The following NAGPA variants were observed in gnomAD, a reference collection of about 807,000 sequenced individuals.
The protein encoded by NAGPA is N-acetylglucosamine-1-phosphodiester alpha-N-acetylglucosaminidase.
In NAGPA, 56 loss-of-function variants were observed where a neutral mutation model predicts 48.5. The observed-to-expected ratio is 1.15, with a 90% CI of 0.93 to 1.44. NAGPA has a LOEUF of 1.44. Ranked by LOEUF, NAGPA falls within the 40% of genes most tolerant of loss-of-function variation. The pLI is 0.00. For missense variants in NAGPA, 888 were observed against 735.0 expected (o/e 1.21, Z -2.41); for synonymous variants, 399 against 315.5 (o/e 1.26, Z -2.81).
intron 4 of NAGPA, chr16:5,030,177 G>C (rs530044847): frequency 1.6e-6 from 1 of 617,014 alleles, no homozygotes; most frequent in South Asian, 1.9e-5. Flanking sequence ...GAAAGGTGAG[G>C]CCTAAAGCTG....
chr16:5,031,385 A>AGGGTGTGG (rs1228824782), intron 3 of NAGPA: 12 of 336,202 alleles, frequency 3.6e-5, no homozygotes, highest in Middle Eastern at 1.0e-3. Context: ...TGCAGGTCTG[A>AGGGTGTGG]GGGTGTGGGG....
rs1446607459 is a variant in NAGPA at position 5,024,998 on chromosome 16, C to T, written c.*480G>A. On this transcript the variant is annotated 3_prime_UTR_variant, in exon 10 of 10. Coordinates refer to ENST00000312251, the MANE Select transcript of NAGPA (RefSeq NM_016256.4). ...CAAGGAGCTTCCTATGACAGGAAATCGAATTCTAGTTGGCAAATCCAGTGA... is the reference window on the plus strand; with the variant it reads ...CAAGGAGCTTCCTATGACAGGAAATTGAATTCTAGTTGGCAAATCCAGTGA... 4 of 166,674 alleles carry T rather than the reference C, an allele frequency of 2.4e-5. No individual in the cohort carries two copies. Among genetic ancestry groups the T allele is most frequent in the Admixed American group, 1.1e-4 (2 of 17,828 alleles). The allele number at this position is 166,674 out of a possible 1,614,324, so 10.3% of individuals were successfully genotyped here. A position where few individuals can be genotyped will look rare whatever the true frequency, so the allele number is the denominator to read the frequency against.
Position 5,033,599 on chromosome 16 carries a change from G to A in NAGPA, c.216C>T (p.Gly72=). The A allele has an allele frequency of 6.7e-7, 1 of 1,491,560 alleles. No individual in the cohort carries two copies. 92.4% of individuals were successfully genotyped at this position (1,491,560 alleles called of 1,614,324 possible). The change falls in exon 2 of 10, where the codon GGC becomes GGT. Residue 72 remains glycine, a synonymous_variant. Transcript: ENST00000312251. This position sits in a 1 kb window ranked among gnomAD's most constrained non-coding sequence, Gnocchi z 4.2. ...ESWPPPPATP[G]AGGLAVRTFV... ...AGGTGCGCACGGCCAGACCGCCGGCGCCGGGAGTCGCGGGAGGCGGAGGCC... is the reference window on the plus strand; with the variant it reads ...AGGTGCGCACGGCCAGACCGCCGGCACCGGGAGTCGCGGGAGGCGGAGGCC...
At position 5,027,016 on chromosome 16, in the gene NAGPA, T is replaced by C; in HGVS notation, c.1340+119A>G. The C allele has an allele frequency of 7.7e-6, 10 of 1,290,842 alleles. No individual in the cohort carries two copies. The South Asian group carries it at 1.1e-4, about 15-fold the overall frequency. The allele number at this position is 1,290,842 out of a possible 1,614,324, so 80.0% of individuals were successfully genotyped here. A position where few individuals can be genotyped will look rare whatever the true frequency, so the allele number is the denominator to read the frequency against. On this transcript the variant is annotated intron_variant, in intron 9 of 9. Coordinates refer to ENST00000312251, the MANE Select transcript of NAGPA (RefSeq NM_016256.4). ...AGACAGTGGGGAGAGCTGGTCCCGC[T>C]TCCTCTAAGGCAGGGAGCTGGCAGG...
At chr16:5,028,489 C>T in intron 5 of NAGPA, 2 of 636,662 alleles carry the variant, frequency 3.1e-6, no homozygotes, top group South Asian at 3.1e-5. Context: ...CCCACCTCGG[C>T]CTCCCAAAGC....
rs751618720 is a variant in NAGPA at position 5,033,596 on chromosome 16, G to A, written c.219C>T (p.Ala73=). 2.0e-6 allele frequency: 3 copies of A among 1,488,058 alleles called. No homozygotes were observed. Among genetic ancestry groups the A allele is most frequent in the Admixed American group, 4.9e-5 (2 of 40,464 alleles). The allele number at this position is 1,488,058 out of a possible 1,614,324, so 92.2% of individuals were successfully genotyped here. ...SWPPPPATPG[A]GGLAVRTFVS... is the part of the protein sequence containing the mutation. ...CGAAGGTGCGCACGGCCAGACCGCCGGCGCCGGGAGTCGCGGGAGGCGGAG... is the reference window on the plus strand; with the variant it reads ...CGAAGGTGCGCACGGCCAGACCGCCAGCGCCGGGAGTCGCGGGAGGCGGAG... The change falls in exon 2 of 10, where the codon GCC becomes GCT. Residue 73 remains alanine (A), a synonymous_variant. Transcript: ENST00000312251. This position sits in a 1 kb window ranked among gnomAD's most constrained non-coding sequence, Gnocchi z 4.2.
At chr16:5,028,390 C>A (rs1956042213) in intron 5 of NAGPA, 2 of 987,140 alleles carry the variant, frequency 2.0e-6, no homozygotes, top group Non-Finnish European at 1.5e-6. Context: ...TGTGCACCAT[C>A]ACGCCTGCCT....
chr16:5,027,932 G>A (rs756755315), intron 6 of NAGPA, 39 bp from the exon 7 acceptor site: 3 of 1,613,066 alleles, frequency 1.9e-6, no homozygotes, highest in East Asian at 4.5e-5. Context: ...TGAGGGCCTA[G>A]GGCAAGGCAG....
In NAGPA at chr16:5,025,640, C is replaced by G; in HGVS notation, c.1386G>C (p.Leu462=). 1 of 1,613,702 alleles carries G rather than the reference C, an allele frequency of 6.2e-7. No individual in the cohort carries two copies. Among genetic ancestry groups the G allele is most frequent in the Non-Finnish European group, 8.5e-7 (1 of 1,179,934 alleles). ...ALTLALAFLL[L]ISTAANLSLL... ...AGGACAGGTTTGCTGCAGTGCTGATCAGCAGGAGGAAGGCCAGCGCCAGGG... is the reference window on the plus strand; with the variant it reads ...AGGACAGGTTTGCTGCAGTGCTGATGAGCAGGAGGAAGGCCAGCGCCAGGG... The change falls in exon 10 of 10, where the codon CTG becomes CTC. Residue 462 remains leucine (L), a synonymous_variant. Coordinates refer to ENST00000312251, the MANE Select transcript of NAGPA (RefSeq NM_016256.4).
At chr16:5,026,052 C>A (rs1955994785) in intron 9 of NAGPA, among the ~76,000 whole-genome samples, 1 of 151,820 alleles carries the variant, frequency 6.6e-6, no homozygotes, top group South Asian at 2.1e-4. Context: ...CCTTGGACTC[C>A]CGAGTAGCTG....
Position 5,025,432 on chromosome 16 carries a change from GGGGA to G in NAGPA, c.*42_*45del, listed in dbSNP as rs1955978151. ...ATTTCCCCTGCAGAAGCCAGACCGT[GGGGA>G]AACAAGCTTTCGCGACGTGCCACCC... On this transcript the variant is annotated 3_prime_UTR_variant, in exon 10 of 10. Coordinates refer to ENST00000312251, the MANE Select transcript of NAGPA (RefSeq NM_016256.4). 6.2e-7 allele frequency: 1 copy of G among 1,603,062 alleles called. No individual in the cohort carries two copies. The highest frequency in any genetic ancestry group is 2.2e-5 in the East Asian group (1 of 44,784).
rs372344110 is a variant in NAGPA at position 5,025,526 on chromosome 16, G to A, written c.1500C>T (p.Ala500=). 48 of 1,612,896 alleles carry A rather than the reference G, an allele frequency of 3.0e-5. No individual in the cohort carries two copies. The South Asian group carries it at 3.8e-4, about 13-fold the overall frequency. ...PLQEMNGEPL[A]AEKEQPGGAH... ...CGCCCCCTGGCTGCTCCTTCTCTGCGGCCAGAGGCTCCCCGTTCATCTCCT... is the reference window on the plus strand; with the variant it reads ...CGCCCCCTGGCTGCTCCTTCTCTGCAGCCAGAGGCTCCCCGTTCATCTCCT... Residue 500 remains alanine (A), a synonymous_variant, in exon 10 of 10, where the codon GCC becomes GCT. Transcript: ENST00000312251.
intron 2 of NAGPA, among the ~76,000 whole-genome samples, chr16:5,032,239 T>G (rs1424661451): frequency 6.6e-6 from 1 of 152,200 alleles, no homozygotes; most frequent in Non-Finnish European, 1.5e-5. Flanking sequence ...CTTCATTGGC[T>G]TCCTTGTTTC....
Position 5,028,082 on chromosome 16 carries a change from C to A in NAGPA, c.1024G>T (p.Asp342Tyr), listed in dbSNP as rs915776125. 1 of 1,613,432 alleles carries A rather than the reference C, an allele frequency of 6.2e-7. No homozygotes were observed. Among genetic ancestry groups the A allele is most frequent in the African/African-American group, 1.3e-5 (1 of 75,040 alleles). The change falls in exon 6 of 10, where the codon GAC becomes TAC. Residue 342 changes from aspartate (D) to tyrosine (Y), a missense_variant. Asp to Tyr is a radical substitution (Grantham distance 160, BLOSUM62 -3). Coordinates refer to ENST00000312251, the MANE Select transcript of NAGPA (RefSeq NM_016256.4). ...PDCHGHGTCVDGHCQCTGHFW... is the reference protein window; with the variant it reads ...PDCHGHGTCVYGHCQCTGHFW... ...TGCCCGGTGCATTGGCAGTGCCCGTCCACGCAGGTCCCGTGGCCGTGGCAG... is the reference window on the plus strand; with the variant it reads ...TGCCCGGTGCATTGGCAGTGCCCGTACACGCAGGTCCCGTGGCCGTGGCAG...
rs1336982621 is a variant in NAGPA, at chr16:5,031,776, T to C, written c.651A>G (p.Gln217=). 1 of 1,614,172 alleles carries C rather than the reference T, an allele frequency of 6.2e-7. No individual in the cohort carries two copies. The highest frequency in any genetic ancestry group is 1.1e-5 in the South Asian group (1 of 91,088). ...RNGSIYINES[Q]ATECDETQET... ...CCTGTGTCTCGTCACACTCTGTGGC[T>C]TGGCTCTCGTTGATGTAGATGCTTC... The change falls in exon 3 of 10, where the codon CAA becomes CAG. Residue 217 remains glutamine (Q), a synonymous_variant. Coordinates refer to ENST00000312251, the MANE Select transcript of NAGPA (RefSeq NM_016256.4).
intron 6 of NAGPA, 37 bp from the exon 7 acceptor site, chr16:5,027,930 T>C (rs1241401350): frequency 1.2e-6 from 2 of 1,612,946 alleles, no homozygotes; most frequent in South Asian, 1.1e-5. Flanking sequence ...GGTGAGGGCC[T>C]AGGGCAAGGC....
intron 3 of NAGPA, chr16:5,031,474 C>T (rs1240503934): frequency 2.8e-5 from 13 of 461,870 alleles, no homozygotes; most frequent in East Asian, 4.3e-5. Context: ...TCTTCCTGTA[C>T]CCACAGCTCC....
rs1228380348 is a variant in NAGPA, at chr16:5,025,818, G to T, written c.1341-133C>A. On this transcript the variant is annotated intron_variant, in intron 9 of 9. Transcript: ENST00000312251. ...TGCCTCCAGGGACCACACAGGGAAT[G>T]TTATGAGCAAAATGGACTAGGTGGG... 5.5e-6 allele frequency: 5 copies of T among 905,114 alleles called. No individual in the cohort carries two copies. The East Asian group carries it at 1.1e-4, about 19-fold the overall frequency. The allele number at this position is 905,114 out of a possible 1,614,324, so 56.1% of individuals were successfully genotyped here.
chr16:5,027,427 G>A (rs1461424549), intron 7 of NAGPA, 48 bp from the exon 8 acceptor site: 2 of 1,579,538 alleles, frequency 1.3e-6, no homozygotes, highest in Admixed American at 1.7e-5. Context: ...AAAGGTTGGG[G>A]CCTCCAGTGT....
Sources: gnomAD v4.1 joint callset for allele counts (sites outside exome capture counted in the v4.1 genomes callset) on GRCh38, gnomAD v4.1.1 for gene constraint, Gnocchi (gnomAD v3.1) non-coding constraint, MANE v1.5 for transcripts, NCBI Gene and HGNC (gene_info 2026-07-23, HGNC 2026-07-21) for gene names.